The following KCTD1 variants were observed in gnomAD, a reference collection of about 807,000 sequenced individuals.
KCTD1 encodes the protein potassium channel tetramerization domain containing 1.
KCTD1 carries 24 observed loss-of-function variants against 66.0 expected under a neutral mutation model. The ratio of observed to expected loss-of-function variants is 0.36; its 90% CI spans 0.26 to 0.51. The LOEUF is 0.51. KCTD1 is among the 20% of genes least tolerant of loss of function. KCTD1 has a pLI of 0.95. For synonymous variants in KCTD1, 511 were observed against 517.2 expected (o/e 0.99, Z 0.16); for missense variants, 943 against 1,205.2 (o/e 0.78, Z 3.22).
chr18:26,485,935 CTTT>C (rs372930779), intron 2 of KCTD1, among the ~76,000 whole-genome samples: 11 of 136,606 alleles, frequency 8.1e-5, no homozygotes, highest in Non-Finnish European at 6.4e-5. Context: ...TAATTTAATC[CTTT>C]TTTTTTTTTT....
At chr18:26,603,560 T>C (rs1256377318) in intron 1 of KCTD1, among the ~76,000 whole-genome samples, 1 of 151,328 alleles carries the variant, frequency 6.6e-6, no homozygotes, top group Non-Finnish European at 1.5e-5. Context: ...GGCCAATATA[T>C]GATGAAACCC....
chr18:26,589,043 A>G (rs1397565913), intron 1 of KCTD1, among the ~76,000 whole-genome samples: 1 of 152,176 alleles, frequency 6.6e-6, no homozygotes, highest in Non-Finnish European at 1.5e-5. Flanking sequence ...AATACTCTCT[A>G]AGGATCCCTC....
chr18:26,565,741 A>C (rs1985967012), intron 1 of KCTD1: 1 of 151,276 alleles, frequency 6.6e-6, no homozygotes. Flanking sequence ...TTTTTTTCAA[A>C]GAAGGATGGA....
intron 1 of KCTD1, among the ~76,000 whole-genome samples, chr18:26,639,808 G>T (rs1311122162): frequency 6.6e-6 from 1 of 152,172 alleles, no homozygotes; most frequent in Non-Finnish European, 1.5e-5. Context: ...AAGCAGCAGC[G>T]TAGGGGTCTA....
intron 3 of KCTD1, among the ~76,000 whole-genome samples, chr18:26,461,839 G>GAT (rs1980448342): frequency 6.6e-6 from 1 of 152,164 alleles, no homozygotes; most frequent in East Asian, 1.9e-4. Context: ...TTATCGGCTG[G>GAT]GCGTGGTGGT....
chr18:26,497,795 T>C (rs775226348), intron 2 of KCTD1, among the ~76,000 whole-genome samples: 20 of 152,152 alleles, frequency 1.3e-4, no homozygotes, highest in Non-Finnish European at 2.4e-4. Context: ...GACAAATTCT[T>C]AAAGATATCT....
At chr18:26,538,442 T>A (rs887711464) in intron 1 of KCTD1, among the ~76,000 whole-genome samples, 7 of 151,650 alleles carry the variant, frequency 4.6e-5, no homozygotes, top group Non-Finnish European at 7.4e-5. Flanking sequence ...TAGGCCAGAG[T>A]GCAAGAGCCT....
At chr18:26,539,682 T>A (rs1438735833) in intron 1 of KCTD1, among the ~76,000 whole-genome samples, 2 of 152,142 alleles carry the variant, frequency 1.3e-5, no homozygotes, top group African/African-American at 4.8e-5. Flanking sequence ...CCTGCCTGGA[T>A]CTGGTCTAAC....
Position 26,513,673 on chromosome 18 carries a change from C to T in KCTD1, c.1810-12423G>A, listed in dbSNP as rs148173832. The stretch of plus-strand genomic sequence containing the variant: ...CTTTCCCATTTATAATCTATGCAGT[C>T]GGACCAGATGCTCTGTAATGCTCTT... On this transcript the variant is annotated intron_variant, in intron 1 of 4. Transcript: ENST00000580059. Among the ~76,000 whole-genome samples, 89 of 152,306 alleles carry T rather than the reference C, an allele frequency of 5.8e-4. No homozygotes were observed. The East Asian group carries it at 0.013, about 22-fold the overall frequency.
intron 3 of KCTD1, among the ~76,000 whole-genome samples, chr18:26,472,647 TA>T (rs34501250): frequency 0.038 from 5,839 of 152,276 alleles, 176 homozygotes; most frequent in Non-Finnish European, 0.058. Flanking sequence ...ACTTACTCCC[TA>T]AAGTGGGAAA....
At chr18:26,522,283 C>T (rs892414828) in intron 1 of KCTD1, among the ~76,000 whole-genome samples, 1 of 152,178 alleles carries the variant, frequency 6.6e-6, no homozygotes, top group Non-Finnish European at 1.5e-5. Context: ...TGGATACAGA[C>T]AAACGCACGG....
At chr18:26,489,157 T>C (rs948952024) in intron 2 of KCTD1, among the ~76,000 whole-genome samples, 3 of 152,158 alleles carry the variant, frequency 2.0e-5, no homozygotes, top group Non-Finnish European at 1.5e-5. Context: ...CCACTTCCTA[T>C]CTCCAGGCAG....
chr18:26,634,793 G>A (rs1277467161), intron 1 of KCTD1, among the ~76,000 whole-genome samples: 5 of 152,088 alleles, frequency 3.3e-5, no homozygotes, highest in Non-Finnish European at 7.4e-5. Flanking sequence ...AAGCAGTAAA[G>A]CTTAATTGAC....
chr18:26,637,286 G>A (rs550961516), intron 1 of KCTD1, among the ~76,000 whole-genome samples: 2 of 152,094 alleles, frequency 1.3e-5, no homozygotes, highest in Non-Finnish European at 1.5e-5. Context: ...TCTGAACCCC[G>A]GGCCAGATTT....
At chr18:26,647,452 G>A (rs370587243) in intron 1 of KCTD1, among the ~76,000 whole-genome samples, 60 of 138,526 alleles carry the variant, frequency 4.3e-4, no homozygotes, top group African/African-American at 1.5e-3. Flanking sequence ...CCCAGGCAGC[G>A]GAGGTTGCGG....
intron 1 of KCTD1, among the ~76,000 whole-genome samples, chr18:26,542,459 G>T (rs1392546197): frequency 2.0e-5 from 3 of 152,140 alleles, no homozygotes; most frequent in Admixed American, 2.0e-4. Context: ...AGACTTCAAA[G>T]ACACATACTA....
intron 1 of KCTD1, among the ~76,000 whole-genome samples, chr18:26,637,754 C>G (rs1987753911): frequency 6.6e-6 from 1 of 152,214 alleles, no homozygotes; most frequent in African/African-American, 2.4e-5. Context: ...GCTTTGGGGT[C>G]CACTGACCTG....
At chr18:26,570,338 C>T (rs1273055388) in intron 1 of KCTD1, among the ~76,000 whole-genome samples, 1 of 151,916 alleles carries the variant, frequency 6.6e-6, no homozygotes, top group Non-Finnish European at 1.5e-5. Flanking sequence ...GAGGATGTTC[C>T]AGCCATACTC....
intron 1 of KCTD1, among the ~76,000 whole-genome samples, chr18:26,530,582 C>A (rs1477232192): frequency 1.3e-5 from 2 of 152,190 alleles, no homozygotes; most frequent in Non-Finnish European, 2.9e-5. Flanking sequence ...ATCACAACCA[C>A]AGTTAATTTG....
Sources: gnomAD v4.1 joint callset for allele counts (sites outside exome capture counted in the v4.1 genomes callset) on GRCh38, gnomAD v4.1.1 for gene constraint, MANE v1.5 for transcripts, NCBI Gene and HGNC (gene_info 2026-07-23, HGNC 2026-07-21) for gene names.